The following MTCH2 variants were observed in gnomAD, a reference collection of about 807,000 sequenced individuals.
MTCH2 encodes the protein mitochondrial carrier homolog 2.
A neutral mutation model predicts 50.6 loss-of-function variants in MTCH2; 25 were observed. The ratio of observed to expected loss-of-function variants is 0.49; its 90% CI spans 0.36 to 0.69. MTCH2 has a LOEUF of 0.69. Among genes scored for constraint, MTCH2 ranks in the 30% least tolerant of loss-of-function variants. The pLI is 0.00. For synonymous variants in MTCH2, 106 were observed against 132.0 expected (o/e 0.80, Z 1.35); for missense variants, 273 against 384.4 (o/e 0.71, Z 2.42).
Position 47,618,727 on chromosome 11 carries a change from A to T in MTCH2, c.*106T>A, listed in dbSNP as rs981034599. 1 of 1,157,796 alleles carries T rather than the reference A, an allele frequency of 8.6e-7. No individual in the cohort carries two copies. The highest frequency in any genetic ancestry group is 1.3e-6 in the Non-Finnish European group (1 of 785,532). 71.7% of individuals were successfully genotyped at this position (1,157,796 alleles called of 1,614,324 possible). ...CAAACACCTGAATTTTCCCAAGATT[A>T]AATGATTATTAAAAAAGCGCGCCAC... On this transcript the variant is annotated 3_prime_UTR_variant, in exon 13 of 13. Transcript: ENST00000302503.
At chr11:47,612,293 C>A in the MTCH2 span, among the ~76,000 whole-genome samples, 4 of 151,802 alleles carry the variant, frequency 2.6e-5, no homozygotes, top group Non-Finnish European at 5.9e-5. Flanking sequence ...GTGGGCCGGG[C>A]GCGGTGGCTC....
At chr11:47,623,457 C>T (rs1042847235) in intron 11 of MTCH2, among the ~76,000 whole-genome samples, 13 of 147,860 alleles carry the variant, frequency 8.8e-5, no homozygotes, top group Admixed American at 3.4e-4. Flanking sequence ...AACATGAAAA[C>T]GGATATAAAC....
chr11:47,640,973 T>C (rs553643497), intron 1 of MTCH2, among the ~76,000 whole-genome samples: 8 of 152,184 alleles, frequency 5.3e-5, no homozygotes, highest in African/African-American at 1.9e-4. Context: ...CTCGGCTCAC[T>C]GCAACCTTCA....
chr11:47,642,486 GGACA>G lies in MTCH2; in HGVS notation c.-25_-22del, dbSNP rs1172166894. 8 of 1,475,558 alleles carry G rather than the reference GGACA, an allele frequency of 5.4e-6. No individual in the cohort carries two copies. The highest frequency in any genetic ancestry group is 3.6e-5 in the African/African-American group (2 of 55,340). The allele number at this position is 1,475,558 out of a possible 1,614,324, so 91.4% of individuals were successfully genotyped here. Reference sequence around the variant, plus strand: ...GCCATGATGGCACCCGCGGGCGGACGGACAGACAGACGGAGCCACCAAGCGACCC... The same window carrying G: ...GCCATGATGGCACCCGCGGGCGGACGGACAGACGGAGCCACCAAGCGACCC... On this transcript the variant is annotated 5_prime_UTR_variant, in exon 1 of 13. Transcript: ENST00000302503.
rs1307714573 is a variant in MTCH2, at chr11:47,618,258, G to T, written c.*575C>A. 6.5e-6 allele frequency: 1 copy of T among 153,478 alleles called. No individual in the cohort carries two copies. The highest frequency in any genetic ancestry group is 2.4e-5 in the African/African-American group (1 of 41,430). 9.5% of individuals were successfully genotyped at this position (153,478 alleles called of 1,614,324 possible). On this transcript the variant is annotated 3_prime_UTR_variant, in exon 13 of 13. Coordinates refer to ENST00000302503, the MANE Select transcript of MTCH2 (RefSeq NM_014342.4). ...TATTACTTTGCAATAACAGACTGAA[G>T]GGGCAGATCCTCACACAGACTTTCT...
the MTCH2 span, among the ~76,000 whole-genome samples, chr11:47,607,083 A>G: frequency 6.6e-6 from 1 of 152,214 alleles, no homozygotes; most frequent in African/African-American, 2.4e-5. Flanking sequence ...GTGGACTCCA[A>G]TATACCCAGG....
intron 10 of MTCH2, 50 bp from the exon 11 acceptor site, chr11:47,625,791 T>C (rs1369997259): frequency 6.7e-7 from 1 of 1,492,008 alleles, no homozygotes; most frequent in Non-Finnish European, 9.3e-7. Context: ...CTAGTCTTTA[T>C]TCTCCTTTCC....
chr11:47,614,684 C>T (rs777331313), downstream of MTCH2, among the ~76,000 whole-genome samples: 88 of 152,100 alleles, frequency 5.8e-4, no homozygotes, highest in Non-Finnish European at 8.7e-4. Context: ...TGGGTTTCAG[C>T]GATTCTCCTG....
At chr11:47,634,625 C>A in intron 5 of MTCH2, 47 bp downstream of exon 5, 2 of 1,435,858 alleles carry the variant, frequency 1.4e-6, no homozygotes, top group South Asian at 2.4e-5. Flanking sequence ...GTTGCAACAC[C>A]ACAGTTTGAT....
intron 1 of MTCH2, among the ~76,000 whole-genome samples, chr11:47,642,000 G>C (rs1043623335): frequency 2.0e-5 from 3 of 152,210 alleles, no homozygotes; most frequent in African/African-American, 4.8e-5. Flanking sequence ...TGAGATTTTG[G>C]GGGGAGTAGT....
At chr11:47,608,497 A>G in the MTCH2 span, among the ~76,000 whole-genome samples, 1 of 152,122 alleles carries the variant, frequency 6.6e-6, no homozygotes, top group African/African-American at 2.4e-5. Flanking sequence ...CCCACTTTCT[A>G]TTTATAAATA....
rs1215913337 is a variant in MTCH2, at chr11:47,638,728, C to T, written c.250G>A (p.Gly84Arg). 1 of 1,614,200 alleles carries T rather than the reference C, an allele frequency of 6.2e-7. No individual in the cohort carries two copies. Among genetic ancestry groups the T allele is most frequent in the Non-Finnish European group, 8.5e-7 (1 of 1,180,028 alleles). ...LTPRLCSGVL[G>R]TVVHGKVLQH... ...AAAACTTTACCATGGACCACAGTTC[C>T]AAGGACTCCCGAACACAGTCTTGGA... is the stretch of plus-strand genomic sequence containing the variant. Residue 84 changes from glycine (G) to arginine (R), a missense_variant, in exon 3 of 13, where the codon GGA becomes AGA. Around this residue, in one of 2 missense-constraint regions of MTCH2, gnomAD observed 203 missense variants for 244.3 expected, o/e 0.83. Coordinates refer to ENST00000302503, the MANE Select transcript of MTCH2 (RefSeq NM_014342.4).
chr11:47,620,918 T>C (rs2097292680), intron 12 of MTCH2, among the ~76,000 whole-genome samples: 1 of 152,196 alleles, frequency 6.6e-6, no homozygotes, highest in South Asian at 2.1e-4. Flanking sequence ...ATACAGTAAA[T>C]GCCCAATCAA....
intron 12 of MTCH2, among the ~76,000 whole-genome samples, chr11:47,620,674 A>G (rs922350399): frequency 3.9e-5 from 6 of 152,144 alleles, no homozygotes; most frequent in Non-Finnish European, 5.9e-5. Flanking sequence ...AAATAAGTAA[A>G]TAAAAATAAA....
chr11:47,640,167 A>G (rs963282259), intron 1 of MTCH2, among the ~76,000 whole-genome samples: 4 of 151,894 alleles, frequency 2.6e-5, no homozygotes, highest in African/African-American at 9.7e-5. Context: ...TGTCTCTACT[A>G]AAAACACAAA....
chr11:47,620,274 T>C (rs1042109619), intron 12 of MTCH2, among the ~76,000 whole-genome samples: 2 of 151,524 alleles, frequency 1.3e-5, no homozygotes, highest in Admixed American at 6.6e-5. Flanking sequence ...CTTAAAAGTA[T>C]AATAATAATA....
chr11:47,611,671 A>G, the MTCH2 span, among the ~76,000 whole-genome samples: 1 of 152,200 alleles, frequency 6.6e-6, no homozygotes, highest in East Asian at 1.9e-4. Context: ...GAAGCTGCTG[A>G]GTCCTGAATA....
chr11:47,629,504 A>G, intron 8 of MTCH2: 1 of 168,428 alleles, frequency 5.9e-6, no homozygotes, highest in East Asian at 1.6e-4. Context: ...ATCAAAAACC[A>G]CATTTCTAGG....
chr11:47,610,122 T>C, the MTCH2 span, among the ~76,000 whole-genome samples: 1 of 152,310 alleles, frequency 6.6e-6, no homozygotes, highest in South Asian at 2.1e-4. Flanking sequence ...ATTCAGTGGA[T>C]ACAGCTAGGA....
Sources: allele counts gnomAD v4.1 joint callset (sites outside exome capture counted in the v4.1 genomes callset), GRCh38; gene constraint gnomAD v4.1.1; regional missense constraint gnomAD v4.1.1; transcripts MANE v1.5; gene names NCBI Gene and HGNC (gene_info 2026-07-23, HGNC 2026-07-21).